Variants in PCDHA3 observed in about 807,000 individuals in gnomAD.
PCDHA3 encodes protocadherin alpha-3.
PCDHA3 carries 41 observed loss-of-function variants against 62.2 expected under a neutral mutation model. That is an observed-to-expected ratio of 0.66 (90% CI 0.51 to 0.86). PCDHA3 has a LOEUF of 0.86. Ranked by LOEUF, PCDHA3 falls within the 40% of genes least tolerant of loss-of-function variation. The probability of loss-of-function intolerance (pLI) is 0.00; values close to 1 mark genes in which losing one functional copy is unlikely to be tolerated. For synonymous variants in PCDHA3, 640 were observed against 555.4 expected, an observed-to-expected ratio of 1.15 and a Z score of -2.14; for missense variants, 1,304 against 1,241.2, an observed-to-expected ratio of 1.05 and a Z score of -0.76.
chr5:140,924,613 T>G (rs185833158), intron 1 of PCDHA3, among the ~76,000 whole-genome samples: 1 of 152,170 alleles, frequency 6.6e-6, no homozygotes, highest in African/African-American at 2.4e-5. Context: ...TGATGCCAGG[T>G]GCGGTGGCAT....
Position 140,920,446 on chromosome 5 carries a change from A to G in PCDHA3, c.2395-58503A>G, listed in dbSNP as rs2079636964. 2.6e-5 allele frequency among the ~76,000 whole-genome samples: 4 copies of G among 152,114 alleles called. No homozygotes were observed. In the South Asian group the frequency reaches 8.3e-4, roughly 31 times the overall value. On this transcript the variant is annotated intron_variant, in intron 1 of 3. Coordinates refer to ENST00000522353, the MANE Select transcript of PCDHA3 (RefSeq NM_018906.3). ...CTCCCACACACCTCTTTTATACTGT[A>G]ATTGACAAATTTGTTATATTTCTGT...
chr5:140,820,950 C>G (rs1766864862), intron 1 of PCDHA3, among the ~76,000 whole-genome samples: 2 of 152,006 alleles, frequency 1.3e-5, no homozygotes, highest in South Asian at 4.2e-4. Flanking sequence ...ATCCCCATTA[C>G]AGTTTTTGAG....
At chr5:140,937,824 A>C (rs1229119616) in intron 1 of PCDHA3, among the ~76,000 whole-genome samples, 1 of 151,696 alleles carries the variant, frequency 6.6e-6, no homozygotes, top group African/African-American at 2.4e-5. Flanking sequence ...AGGCAGGAGA[A>C]TGGCATGAAC....
At chr5:140,908,019 G>A (rs1031093375) in intron 1 of PCDHA3, among the ~76,000 whole-genome samples, 1 of 152,122 alleles carries the variant, frequency 6.6e-6, no homozygotes, top group Non-Finnish European at 1.5e-5. Context: ...ACTGGCTACA[G>A]CCCATTAATC....
chr5:140,825,928 C>G (rs1768763008), intron 1 of PCDHA3: 2 of 151,504 alleles, frequency 1.3e-5, no homozygotes, highest in East Asian at 3.9e-4. Flanking sequence ...GGTGTCCTCT[C>G]CATCTGAAAT....
chr5:140,898,542 T>G (rs368410152), intron 1 of PCDHA3, among the ~76,000 whole-genome samples: 2 of 152,286 alleles, frequency 1.3e-5, no homozygotes, highest in East Asian at 3.9e-4. Context: ...CTGTTCCATT[T>G]ATCTATGTCT....
intron 1 of PCDHA3, chr5:140,927,707 T>G (rs1224984801): frequency 6.2e-7 from 1 of 1,614,080 alleles, no homozygotes; most frequent in African/African-American, 1.3e-5. Flanking sequence ...CAGTACTCCC[T>G]AAGCAACAGC....
chr5:140,862,992 C>T (rs781974665), intron 1 of PCDHA3: 29 of 548,250 alleles, frequency 5.3e-5, no homozygotes, highest in South Asian at 3.7e-4. Context: ...AAGGTGCGCA[C>T]GGTGGACTCC....
At position 140,884,483 on chromosome 5, in the gene PCDHA3, C is replaced by G. The variant is rs376374275; in HGVS notation, c.2394+80892C>G. The G allele has an allele frequency of 3.7e-6, 6 of 1,613,980 alleles. 1 individual carries two copies. In the South Asian group the frequency reaches 5.5e-5, roughly 15 times the overall value. On this transcript the variant is annotated intron_variant, in intron 1 of 3. Coordinates refer to ENST00000522353, the MANE Select transcript of PCDHA3 (RefSeq NM_018906.3). The stretch of plus-strand genomic sequence containing the variant: ...CGCGTGCGCGCCGGGCAAGCCCACT[C>G]TAGTGTGCTCCAGCGCGGCAGGGAG...
At chr5:140,876,597 G>A in intron 1 of PCDHA3, 1 of 1,614,160 alleles carries the variant, frequency 6.2e-7, no homozygotes, top group Non-Finnish European at 8.5e-7. Flanking sequence ...TTAGCGTGTC[G>A]GATCGTGACT....
At chr5:140,963,195 T>TG (rs1323958663) in intron 1 of PCDHA3, among the ~76,000 whole-genome samples, 4 of 150,680 alleles carry the variant, frequency 2.7e-5, no homozygotes, top group Non-Finnish European at 5.9e-5. Flanking sequence ...ACTGTGAAAA[T>TG]GAAAAAAAAA....
At chr5:141,009,455 A>G in intron 3 of PCDHA3, 172 bp from the exon 4 acceptor site, 1 of 946,862 alleles carries the variant, frequency 1.1e-6, no homozygotes, top group Non-Finnish European at 1.3e-6. Flanking sequence ...AAAAAATTAA[A>G]CAAATAAATA....
intron 1 of PCDHA3, chr5:140,827,873 T>TA (rs1769435711): frequency 4.7e-6 from 3 of 637,520 alleles, no homozygotes; most frequent in South Asian, 4.0e-5. Flanking sequence ...ATAGCACTGT[T>TA]ACGTGAATTG....
intron 1 of PCDHA3, chr5:140,828,262 G>C (rs2150153262): frequency 6.2e-7 from 1 of 1,614,018 alleles, no homozygotes; most frequent in South Asian, 1.1e-5. Context: ...TGGAGCTGGC[G>C]GAGCTGGTGC....
chr5:140,828,666 T>C lies in PCDHA3; in HGVS notation c.2394+25075T>C, dbSNP rs111411595. The stretch of plus-strand genomic sequence containing the variant: ...ATAAACAGTGATGACAATAAACAAA[T>C]TGGGCTCTTATTAAAGAAATCCTTG... On this transcript the variant is annotated intron_variant, in intron 1 of 3. Coordinates refer to ENST00000522353, the MANE Select transcript of PCDHA3 (RefSeq NM_018906.3). 181 of 1,614,044 alleles carry C rather than the reference T, an allele frequency of 1.1e-4. No individual in the cohort carries two copies. The highest frequency in any genetic ancestry group is 1.7e-4 in the African/African-American group (13 of 74,926).
rs148596731 is a variant in PCDHA3 at position 141,000,361 on chromosome 5, GTCTCTCTCTCTC to G, written c.2543-9242_2543-9231del. Among the ~76,000 whole-genome samples, 60 of 26,440 alleles carry G rather than the reference GTCTCTCTCTCTC, an allele frequency of 2.3e-3. 1 individual carries two copies. Among genetic ancestry groups the G allele is most frequent in the Admixed American group, 5.8e-3 (10 of 1,730 alleles). The allele number at this position is 26,440 out of a possible 152,430, so 17.3% of individuals were successfully genotyped here. On this transcript the variant is annotated intron_variant, in intron 3 of 3. Transcript: ENST00000522353. ...CCTATCTCTCTCTCTGTCTCTCTCT[GTCTCTCTCTCTC>G]TCTCTCTCTCTCTCTCTCTCTCTAT...
chr5:140,855,663 AC>A (rs1363800553), intron 1 of PCDHA3, among the ~76,000 whole-genome samples: 7 of 149,864 alleles, frequency 4.7e-5, no homozygotes, highest in Non-Finnish European at 1.0e-4. Flanking sequence ...GGAAGAAATC[AC>A]TACTCTGAGA....
At chr5:140,882,050 T>TA (rs1260382802) in intron 1 of PCDHA3, 7 of 756,632 alleles carry the variant, frequency 9.3e-6, no homozygotes, top group African/African-American at 3.5e-5. Context: ...GAGTCATACT[T>TA]ACACTTACAC....
intron 1 of PCDHA3, chr5:140,850,022 A>C: frequency 6.3e-7 from 1 of 1,596,794 alleles, no homozygotes; most frequent in Admixed American, 1.7e-5. Context: ...GCTACGTGTC[A>C]GTGCACGCGG....
Sources: gnomAD v4.1 joint callset for allele counts (sites outside exome capture counted in the v4.1 genomes callset) on GRCh38, gnomAD v4.1.1 for gene constraint, MANE v1.5 for transcripts, NCBI Gene and HGNC (gene_info 2026-07-23, HGNC 2026-07-21) for gene names.